The following PRTFDC1 variants were observed in gnomAD, a reference collection of about 807,000 sequenced individuals.
PRTFDC1 encodes phosphoribosyltransferase domain-containing protein 1.
A neutral mutation model predicts 34.6 loss-of-function variants in PRTFDC1; 38 were observed. The observed-to-expected ratio is 1.10, with a 90% CI of 0.85 to 1.44. PRTFDC1 has a LOEUF of 1.44. PRTFDC1 is among the 40% of genes most tolerant of loss of function. PRTFDC1 has a pLI of 0.00. For synonymous variants in PRTFDC1, 93 were observed against 98.1 expected, an observed-to-expected ratio of 0.95 and a Z score of 0.31; for missense variants, 270 against 283.0, an observed-to-expected ratio of 0.95 and a Z score of 0.33.
intron 3 of PRTFDC1, among the ~76,000 whole-genome samples, chr10:24,904,209 T>C (rs1259807009): frequency 6.6e-6 from 1 of 152,012 alleles, no homozygotes; most frequent in Non-Finnish European, 1.5e-5. Context: ...GTACCGGCCC[T>C]GAGTGGGCTG....
chr10:24,949,695 A>C (rs1372902673), intron 1 of PRTFDC1, among the ~76,000 whole-genome samples: 2 of 151,172 alleles, frequency 1.3e-5, no homozygotes, highest in Non-Finnish European at 2.9e-5. Context: ...CAGCTGGTCC[A>C]GTTTATACTC....
chr10:24,949,727 ATTTATTTATTTATTTT>A, intron 1 of PRTFDC1, among the ~76,000 whole-genome samples: 1 of 112,168 alleles, frequency 8.9e-6, no homozygotes, highest in Non-Finnish European at 2.0e-5. Flanking sequence ...TTATTTATTT[ATTTATTTATTTATTTT>A]TTTTTTTTTT....
At chr10:24,851,325 T>C (rs1847484549) in intron 8 of PRTFDC1, 63 bp downstream of exon 8, 1 of 1,575,380 alleles carries the variant, frequency 6.3e-7, no homozygotes, top group East Asian at 2.2e-5. Context: ...ACGCATTCAA[T>C]ACTTTTTTAA....
At chr10:24,869,269 G>A (rs980662162) in intron 4 of PRTFDC1, among the ~76,000 whole-genome samples, 1 of 151,188 alleles carries the variant, frequency 6.6e-6, no homozygotes, top group Non-Finnish European at 1.5e-5. Flanking sequence ...TTATGAAAAT[G>A]GCTACCCAAA....
rs767745972 is a variant in PRTFDC1 at position 24,891,659 on chromosome 10, C to T, written c.340-19596G>A. The stretch of plus-strand genomic sequence containing the variant: ...AAAATTAGCTGTTGTCCCAGCTACT[C>T]GGGAGGCTGAGGTGTGAGGATTGCT... On this transcript the variant is annotated intron_variant, in intron 3 of 8. Transcript: ENST00000320152. 5.3e-5 allele frequency among the ~76,000 whole-genome samples: 8 copies of T among 151,914 alleles called. No homozygotes were observed. The South Asian group carries it at 6.2e-4, about 12-fold the overall frequency.
rs1847486747 is a variant in PRTFDC1 at position 24,851,419 on chromosome 10, A to G, written c.599T>C (p.Leu200Ser). 6.2e-7 allele frequency: 1 copy of G among 1,612,938 alleles called. No homozygotes were observed. The highest frequency in any genetic ancestry group is 8.5e-7 in the Non-Finnish European group (1 of 1,179,810). Reference sequence around the variant, plus strand: ...ATCTCTGAAGTATTCATTGTAATCTAAGGCATATCCCACCACAAATAAGTT... The same window carrying G: ...ATCTCTGAAGTATTCATTGTAATCTGAGGCATATCCCACCACAAATAAGTT... ...IPNLFVVGYA[L>S]DYNEYFRDLN... Residue 200 changes from leucine to serine, a missense_variant, in exon 8 of 9, where the codon TTA becomes TCA. By Grantham distance (145) the Leu-to-Ser change is moderately radical. Transcript: ENST00000320152.
intron 3 of PRTFDC1, among the ~76,000 whole-genome samples, chr10:24,927,315 G>A (rs770003289): frequency 2.0e-5 from 3 of 152,086 alleles, no homozygotes; most frequent in Non-Finnish European, 4.4e-5. Flanking sequence ...ATGTTTCAGC[G>A]TTTCTATCCA....
intron 1 of PRTFDC1, among the ~76,000 whole-genome samples, chr10:24,942,668 G>T (rs1849182585): frequency 6.6e-6 from 1 of 152,150 alleles, no homozygotes; most frequent in South Asian, 2.1e-4. Flanking sequence ...GAGACTTTGA[G>T]ACAGAGTCTT....
intron 3 of PRTFDC1, among the ~76,000 whole-genome samples, chr10:24,894,006 A>G (rs1336495163): frequency 6.6e-6 from 1 of 152,220 alleles, no homozygotes; most frequent in Non-Finnish European, 1.5e-5. Context: ...TCTCCTGATA[A>G]CATTACTGTA....
intron 3 of PRTFDC1, among the ~76,000 whole-genome samples, chr10:24,922,997 G>A (rs1197874786): frequency 6.6e-6 from 1 of 152,228 alleles, no homozygotes; most frequent in Non-Finnish European, 1.5e-5. Flanking sequence ...ATTCCATCCT[G>A]TCTGTGCCTG....
intron 2 of PRTFDC1, among the ~76,000 whole-genome samples, chr10:24,942,009 G>A (rs1002116978): frequency 3.9e-5 from 6 of 152,074 alleles, no homozygotes; most frequent in South Asian, 4.2e-4. Flanking sequence ...ATCACGGAAC[G>A]TCCCCCCTCT....
intron 3 of PRTFDC1, among the ~76,000 whole-genome samples, chr10:24,919,675 CTA>C (rs1848750536): frequency 6.6e-6 from 1 of 152,116 alleles, no homozygotes; most frequent in Non-Finnish European, 1.5e-5. Flanking sequence ...GCAAAAGAAA[CTA>C]TTGTCAGAGT....
At chr10:24,866,039 A>G (rs1414197046) in intron 4 of PRTFDC1, among the ~76,000 whole-genome samples, 1 of 152,166 alleles carries the variant, frequency 6.6e-6, no homozygotes, top group Non-Finnish European at 1.5e-5. Flanking sequence ...AACTTTTGGC[A>G]GTTTCCGATG....
intron 6 of PRTFDC1, 53 bp from the exon 7 acceptor site, chr10:24,855,417 G>C: frequency 6.3e-7 from 1 of 1,584,182 alleles, no homozygotes; most frequent in Middle Eastern, 1.7e-4. Context: ...TCTATGAATT[G>C]TAAATAGAAT....
chr10:24,925,909 C>T (rs924381121), intron 3 of PRTFDC1, among the ~76,000 whole-genome samples: 2 of 152,218 alleles, frequency 1.3e-5, no homozygotes, highest in African/African-American at 4.8e-5. Flanking sequence ...AATGTTATGC[C>T]TCTCACAATG....
At position 24,848,765 on chromosome 10, in the gene PRTFDC1, A is replaced by T. The variant is rs1271987012; in HGVS notation, c.*1079T>A. On this transcript the variant is annotated 3_prime_UTR_variant, in exon 9 of 9. Coordinates refer to ENST00000320152, the MANE Select transcript of PRTFDC1 (RefSeq NM_020200.7). Reference sequence around the variant, plus strand: ...TAGGAAGTGAGAAAAAAACAGCTCTATTGGGACTCAAGTTTATTTTCAATT... The same window carrying T: ...TAGGAAGTGAGAAAAAAACAGCTCTTTTGGGACTCAAGTTTATTTTCAATT... 2 of 152,190 alleles carry T rather than the reference A, an allele frequency of 1.3e-5. No individual in the cohort carries two copies. The highest frequency in any genetic ancestry group is 4.8e-5 in the African/African-American group (2 of 41,442). 9.4% of individuals were successfully genotyped at this position (152,190 alleles called of 1,614,324 possible).
At chr10:24,919,465 C>A (rs1848746624) in intron 3 of PRTFDC1, among the ~76,000 whole-genome samples, 1 of 152,172 alleles carries the variant, frequency 6.6e-6, no homozygotes, top group African/African-American at 2.4e-5. Context: ...TTCCTTATAT[C>A]TTATACAAAA....
chr10:24,905,371 G>C (rs1019557393), intron 3 of PRTFDC1, among the ~76,000 whole-genome samples: 1 of 146,568 alleles, frequency 6.8e-6, no homozygotes, highest in African/African-American at 2.5e-5. Flanking sequence ...CGCCAGGATG[G>C]AGTGCAGTGA....
intron 3 of PRTFDC1, among the ~76,000 whole-genome samples, chr10:24,913,340 T>A (rs1390881241): frequency 2.0e-5 from 3 of 152,230 alleles, no homozygotes; most frequent in African/African-American, 7.2e-5. Flanking sequence ...TTCTTTTAGC[T>A]GACCCTTTGG....
Sources: allele counts gnomAD v4.1 joint callset (sites outside exome capture counted in the v4.1 genomes callset), GRCh38; gene constraint gnomAD v4.1.1; transcripts MANE v1.5; gene names NCBI Gene and HGNC (gene_info 2026-07-23, HGNC 2026-07-21).